RRM2: variants seen among roughly 807,000 people sequenced by gnomAD.
The protein encoded by RRM2 is ribonucleotide reductase regulatory subunit M2, also known as ribonucleoside-diphosphate reductase subunit M2.
A neutral mutation model predicts 45.9 loss-of-function variants in RRM2; 6 were observed. That is an observed-to-expected ratio of 0.13 (90% CI 0.07 to 0.26). The LOEUF (loss-of-function observed/expected upper bound fraction) is 0.26, where lower values mean the gene tolerates loss of function less well. Among genes scored for constraint, RRM2 ranks in the 10% least tolerant of loss-of-function variants. The pLI is 1.00. For missense variants in RRM2, 343 were observed against 489.5 expected (o/e 0.70, Z 2.82); for synonymous variants, 177 against 173.0 (o/e 1.02, Z -0.18).
intron 3 of RRM2, among the ~76,000 whole-genome samples, chr2:10,180,743 A>G (rs144416468): frequency 6.7e-6 from 1 of 149,566 alleles, no homozygotes; most frequent in Admixed American, 6.7e-5. Flanking sequence ...TTCCCCCTGT[A>G]ACACTTTATT....
At chr2:10,156,842 G>A (rs1663436728) in intron 3 of RRM2, among the ~76,000 whole-genome samples, 1 of 152,002 alleles carries the variant, frequency 6.6e-6, no homozygotes, top group Admixed American at 6.6e-5. Flanking sequence ...GTTTCGCTAT[G>A]CTGCCAGGCT....
At chr2:10,200,486 A>G (rs543777007) in intron 3 of RRM2, among the ~76,000 whole-genome samples, 83 of 59,054 alleles carry the variant, frequency 1.4e-3, no homozygotes, top group African/African-American at 3.8e-3. Context: ...TGAGGCCCAC[A>G]GGCACCGCGC....
chr2:10,192,391 G>A (rs1440026089), intron 3 of RRM2, among the ~76,000 whole-genome samples: 2 of 152,214 alleles, frequency 1.3e-5, no homozygotes, highest in Admixed American at 6.5e-5. Context: ...CTCCAACCGT[G>A]GTGACTCTAG....
At chr2:10,210,779 C>T in exon 4 of RRM2, 1 of 405,844 alleles carries the variant, frequency 2.5e-6, no homozygotes, top group Non-Finnish European at 4.4e-6. Flanking sequence ...CCCTAACTCC[C>T]AATGTGATGG....
chr2:10,132,164 G>A (rs1040738244), downstream of RRM2, among the ~76,000 whole-genome samples: 3 of 152,184 alleles, frequency 2.0e-5, no homozygotes, highest in Non-Finnish European at 4.4e-5. Context: ...ATCATTCCTT[G>A]TACCTCACGC....
chr2:10,203,331 C>T (rs1215991780), intron 3 of RRM2, among the ~76,000 whole-genome samples: 1 of 152,234 alleles, frequency 6.6e-6, no homozygotes, highest in Non-Finnish European at 1.5e-5. Context: ...GACTGCCACC[C>T]ACTAGCTGTG....
At chr2:10,162,235 A>G (rs975771770) in intron 3 of RRM2, among the ~76,000 whole-genome samples, 71 of 152,206 alleles carry the variant, frequency 4.7e-4, no homozygotes, top group Admixed American at 1.8e-3. Flanking sequence ...GGCCAGGCAC[A>G]ACTTCTTGAT....
At chr2:10,165,709 G>C (rs1663665404) in intron 3 of RRM2, among the ~76,000 whole-genome samples, 1 of 152,196 alleles carries the variant, frequency 6.6e-6, no homozygotes, top group African/African-American at 2.4e-5. Flanking sequence ...CCACACACGA[G>C]GAAAGGCAAA....
At chr2:10,181,754 CTTTTTTTTTTTTT>C (rs869117515) in intron 3 of RRM2, among the ~76,000 whole-genome samples, 64 of 57,262 alleles carry the variant, frequency 1.1e-3, no homozygotes, top group Non-Finnish European at 2.0e-3. Flanking sequence ...CTCTCTCTCT[CTTTTTTTTTTTTT>C]TTTTTTTTTT....
chr2:10,180,044 C>T (rs1310725375), intron 3 of RRM2, among the ~76,000 whole-genome samples: 1 of 152,184 alleles, frequency 6.6e-6, no homozygotes, highest in Non-Finnish European at 1.5e-5. Flanking sequence ...TGATGGAGCC[C>T]TCATGCTGAG....
At chr2:10,144,323 G>A (rs901781491) in intron 3 of RRM2, among the ~76,000 whole-genome samples, 3 of 152,202 alleles carry the variant, frequency 2.0e-5, no homozygotes, top group Non-Finnish European at 2.9e-5. Flanking sequence ...GCTAATGCAC[G>A]ATTTATTTCT....
chr2:10,174,121 T>A (rs915501180), intron 3 of RRM2, among the ~76,000 whole-genome samples: 1 of 152,160 alleles, frequency 6.6e-6, no homozygotes, highest in African/African-American at 2.4e-5. Flanking sequence ...CCTGCCACCT[T>A]CTCTCTGCCA....
chr2:10,197,459 C>T (rs1233773406), intron 3 of RRM2, among the ~76,000 whole-genome samples: 2 of 152,154 alleles, frequency 1.3e-5, no homozygotes, highest in Admixed American at 1.3e-4. Context: ...CTGCCCTGCC[C>T]CAGGCAGCAC....
At chr2:10,188,537 C>T (rs1450274845) in intron 3 of RRM2, among the ~76,000 whole-genome samples, 13 of 152,188 alleles carry the variant, frequency 8.5e-5, no homozygotes, top group Admixed American at 8.5e-4. Context: ...GAATCACCTC[C>T]TTAAAGACCT....
At position 10,131,167 on chromosome 2, in the gene RRM2, A is replaced by G. The variant is rs1662893528; in HGVS notation, c.*1781A>G. On this transcript the variant is annotated 3_prime_UTR_variant, in exon 10 of 10. Transcript: ENST00000304567. ...TTTAAGTTATTGTTACCTAAAGTTA[A>G]TCCAGATTATATGGTCCTTATATGT... The G allele has an allele frequency of 6.6e-6, 1 of 152,180 alleles. No homozygotes were observed. Among genetic ancestry groups the G allele is most frequent in the Admixed American group, 6.5e-5 (1 of 15,274 alleles). 9.4% of individuals were successfully genotyped at this position (152,180 alleles called of 1,614,324 possible). A position where few individuals can be genotyped will look rare whatever the true frequency, so the allele number is the denominator to read the frequency against.
intron 3 of RRM2, among the ~76,000 whole-genome samples, chr2:10,208,047 G>T (rs974233694): frequency 1.3e-5 from 2 of 152,098 alleles, no homozygotes; most frequent in Non-Finnish European, 2.9e-5. Context: ...GTGAATTTTT[G>T]TTCTTGTATA....
At chr2:10,201,344 A>G (rs980624035) in intron 3 of RRM2, among the ~76,000 whole-genome samples, 1 of 152,214 alleles carries the variant, frequency 6.6e-6, no homozygotes, top group Non-Finnish European at 1.5e-5. Context: ...TTGATAGCTC[A>G]AAAGAAAAGC....
At chr2:10,162,008 G>A (rs1663570153) in intron 3 of RRM2, among the ~76,000 whole-genome samples, 1 of 152,232 alleles carries the variant, frequency 6.6e-6, no homozygotes, top group Admixed American at 6.5e-5. Context: ...CTGGGCAGCC[G>A]GGAAACCGAG....
chr2:10,124,810 A>G lies in RRM2; in HGVS notation c.529A>G (p.Ser177Gly). 1 of 1,608,432 alleles carries G rather than the reference A, an allele frequency of 6.2e-7. No individual in the cohort carries two copies. Among genetic ancestry groups the G allele is most frequent in the South Asian group, 1.1e-5 (1 of 90,816 alleles). Residue 177 changes from serine to glycine, a missense_variant, in exon 5 of 10, where the codon AGT becomes GGT. Transcript: ENST00000304567. The stretch of plus-strand genomic sequence containing the variant: ...GGAAAACATACATTCTGAAATGTAT[A>G]GTCTTCTTATTGACACTTACATAAA... ...AMENIHSEMY[S>G]LLIDTYIKDP...
Sources: gnomAD v4.1 joint callset for allele counts (sites outside exome capture counted in the v4.1 genomes callset) on GRCh38, gnomAD v4.1.1 for gene constraint, MANE v1.5 for transcripts, NCBI Gene and HGNC (gene_info 2026-07-23, HGNC 2026-07-21) for gene names.